Variants in ZFYVE9 observed in about 807,000 individuals in gnomAD.
The protein encoded by ZFYVE9 is zinc finger FYVE domain-containing protein 9.
In ZFYVE9, 43 loss-of-function variants were observed where a neutral mutation model predicts 126.7. The ratio of observed to expected loss-of-function variants is 0.34; its 90% CI spans 0.27 to 0.44. ZFYVE9 has a LOEUF of 0.44. ZFYVE9 is among the 20% of genes least tolerant of loss of function. The pLI is 1.00. For synonymous variants in ZFYVE9, 521 were observed against 597.4 expected (o/e 0.87, Z 1.87); for missense variants, 1,476 against 1,697.0 (o/e 0.87, Z 2.29).
intron 13 of ZFYVE9, among the ~76,000 whole-genome samples, chr1:52,316,305 G>A (rs973717264): frequency 4.6e-5 from 7 of 151,716 alleles, no homozygotes; most frequent in African/African-American, 1.7e-4. Flanking sequence ...GGCCAACATG[G>A]TGAAACCCCG....
intron 16 of ZFYVE9, among the ~76,000 whole-genome samples, chr1:52,339,594 G>A (rs1486951970): frequency 6.6e-6 from 1 of 152,044 alleles, no homozygotes; most frequent in East Asian, 1.9e-4. Flanking sequence ...CCCAGCAAAT[G>A]ATTCTTAATA....
intron 1 of ZFYVE9, among the ~76,000 whole-genome samples, chr1:52,161,685 T>G (rs563821894): frequency 6.6e-6 from 1 of 152,312 alleles, no homozygotes; most frequent in East Asian, 1.9e-4. Context: ...GCTCAAAAAT[T>G]CCATTCTTCA....
chr1:52,179,644 A>G (rs1026882316), intron 1 of ZFYVE9, among the ~76,000 whole-genome samples: 1 of 152,228 alleles, frequency 6.6e-6, no homozygotes. Context: ...AAAAAAAAAA[A>G]AGTCACATTT....
chr1:52,151,702 A>C (rs1445416585), intron 1 of ZFYVE9, among the ~76,000 whole-genome samples: 1 of 151,698 alleles, frequency 6.6e-6, no homozygotes, highest in East Asian at 1.9e-4. Flanking sequence ...TTTTTAGTAG[A>C]GACAAGGTTT....
chr1:52,219,801 GT>G (rs1484024537), intron 2 of ZFYVE9, among the ~76,000 whole-genome samples: 14 of 142,572 alleles, frequency 9.8e-5, no homozygotes, highest in East Asian at 2.1e-4. Context: ...GTGTGTGTGT[GT>G]GGCAGAGTCT....
intron 4 of ZFYVE9, among the ~76,000 whole-genome samples, chr1:52,251,456 T>A (rs1413859052): frequency 7.2e-5 from 11 of 151,938 alleles, no homozygotes; most frequent in Non-Finnish European, 1.6e-4. Context: ...ATTGAGATGA[T>A]CATTTGGGGT....
At chr1:52,267,248 G>A (rs1194587210) in intron 6 of ZFYVE9, among the ~76,000 whole-genome samples, 3 of 152,284 alleles carry the variant, frequency 2.0e-5, no homozygotes, top group African/African-American at 7.2e-5. Flanking sequence ...GCTTTTTGGA[G>A]TATACATTGC....
chr1:52,239,528 A>G lies in ZFYVE9; in HGVS notation c.2111A>G (p.Asn704Ser). Residue 704 changes from asparagine to serine, a missense_variant, in exon 4 of 19, where the codon AAT becomes AGT. Asn to Ser is a conservative substitution (Grantham distance 46). Transcript: ENST00000287727. The part of the protein sequence containing the change: ...PVWVPDSQAP[N>S]CMKCEARFTF... ...TGGGTACCGGATTCTCAGGCTCCAA[A>G]TTGCATGAAATGTGAAGCCAGGTTT... The G allele has an allele frequency of 6.2e-7, 1 of 1,614,134 alleles. No homozygotes were observed. Among genetic ancestry groups the G allele is most frequent in the South Asian group, 1.1e-5 (1 of 91,072 alleles).
Position 52,239,108 on chromosome 1 carries a change from A to G in ZFYVE9, c.1691A>G (p.Lys564Arg), listed in dbSNP as rs536781182. 247 of 1,614,122 alleles carry G rather than the reference A, an allele frequency of 1.5e-4. 2 individuals are homozygous for G. The South Asian group carries it at 2.6e-3, about 17-fold the overall frequency. Residue 564 changes from lysine to arginine, a missense_variant, in exon 4 of 19, where the codon AAG becomes AGG. Coordinates refer to ENST00000287727, the MANE Select transcript of ZFYVE9 (RefSeq NM_004799.4). ...VPSVLGQSSPKVVASLPSISV... is the reference protein window; with the variant it reads ...VPSVLGQSSPRVVASLPSISV... ...TCAGTGCTTGGGCAATCTTCCCCCAAGGTAGTAGCAAGCCTGCCATCTATC... is the reference window on the plus strand; with the variant it reads ...TCAGTGCTTGGGCAATCTTCCCCCAGGGTAGTAGCAAGCCTGCCATCTATC...
intron 4 of ZFYVE9, among the ~76,000 whole-genome samples, chr1:52,262,311 A>C (rs926555891): frequency 4.6e-5 from 7 of 152,164 alleles, no homozygotes. Context: ...TGGAACATTC[A>C]TCTGTTTACC....
At chr1:52,192,318 G>A (rs1644823242) in intron 1 of ZFYVE9, among the ~76,000 whole-genome samples, 1 of 152,210 alleles carries the variant, frequency 6.6e-6, no homozygotes, top group Non-Finnish European at 1.5e-5. Flanking sequence ...CATAAGAAGT[G>A]TGTAACCTAG....
Position 52,239,366 on chromosome 1 carries a change from A to G in ZFYVE9, c.1949A>G (p.Glu650Gly). The G allele has an allele frequency of 6.2e-7, 1 of 1,614,130 alleles. No individual in the cohort carries two copies. Among genetic ancestry groups the G allele is most frequent in the African/African-American group, 1.3e-5 (1 of 75,042 alleles). ...SNVDTNGEHL[E>G]SYEAEISTRP... ...GTCGATACAAATGGGGAACATTTAG[A>G]AAGTTATGAGGCTGAGATCTCCACT... The change falls in exon 4 of 19, where the codon GAA (glutamate) becomes GGA (glycine). Residue 650 changes from glutamate (E) to glycine (G), a missense_variant. Glu to Gly is a moderately conservative substitution (Grantham distance 98). Around this residue, in one of 2 missense-constraint regions of ZFYVE9, gnomAD observed 807 missense variants for 794.6 expected, o/e 1.02. Transcript: ENST00000287727.
intron 2 of ZFYVE9, among the ~76,000 whole-genome samples, chr1:52,224,620 A>AGGGTG (rs1201286093): frequency 6.6e-6 from 1 of 152,174 alleles, no homozygotes; most frequent in African/African-American, 2.4e-5. Flanking sequence ...TGAAGGTCTG[A>AGGGTG]GGGTGGGTTC....
chr1:52,240,184 A>G (rs1645319724), intron 4 of ZFYVE9, among the ~76,000 whole-genome samples: 1 of 152,226 alleles, frequency 6.6e-6, no homozygotes, highest in African/African-American at 2.4e-5. Context: ...CAAGGTTGTA[A>G]GAATGATATT....
At position 52,292,469 on chromosome 1, in the gene ZFYVE9, C is replaced by CTTTT. The variant is rs1159852399; in HGVS notation, c.3026-965_3026-962dup. ...CAGCAGCTTCCTAATCTGAACATTT[C>CTTTT]TTTTTTTTTTTTTTTTTTTTTTGAG... On this transcript the variant is annotated intron_variant, in intron 10 of 18. Coordinates refer to ENST00000287727, the MANE Select transcript of ZFYVE9 (RefSeq NM_004799.4). Among the ~76,000 whole-genome samples the CTTTT allele has an allele frequency of 5.3e-4, 54 of 101,980 alleles. 1 individual carries two copies. Among genetic ancestry groups the CTTTT allele is most frequent in the East Asian group, 2.3e-3 (8 of 3,532 alleles). 66.9% of individuals were successfully genotyped at this position (101,980 alleles called of 152,430 possible).
At chr1:52,162,008 C>A (rs1644464899) in intron 1 of ZFYVE9, among the ~76,000 whole-genome samples, 1 of 146,514 alleles carries the variant, frequency 6.8e-6, no homozygotes. Context: ...CTCAAAATGA[C>A]AACAATTACA....
chr1:52,142,664 C>T lies in ZFYVE9; in HGVS notation c.-143+261C>T, dbSNP rs1005234335. Among the ~76,000 whole-genome samples the T allele has an allele frequency of 6.6e-6, 1 of 151,988 alleles. No individual in the cohort carries two copies. The highest frequency in any genetic ancestry group is 2.4e-5 in the African/African-American group (1 of 41,418). On this transcript the variant is annotated intron_variant, in intron 1 of 18. Transcript: ENST00000287727. The surrounding 1 kb of genome is among the most constrained non-coding windows in gnomAD (Gnocchi z 4.5). ...CGGCCGGGTGTGTGGAGCTGGGGGC[C>T]GGCAGGAGCACGGCCGCCTTTCGGG...
chr1:52,238,293 C>T lies in ZFYVE9; in HGVS notation c.876C>T (p.Asp292=). The change falls in exon 4 of 19, where the codon GAC becomes GAT. Residue 292 remains aspartate (D), a synonymous_variant. Transcript: ENST00000287727. Reference sequence around the variant, plus strand: ...AAGAGAACTATATACCAGATGAGGACCTCACTGGCAAAATCAGCTCTCCTA... The same window carrying T: ...AAGAGAACTATATACCAGATGAGGATCTCACTGGCAAAATCAGCTCTCCTA... ...KKQENYIPDE[D]LTGKISSPRT... is the part of the protein sequence containing the mutation. The T allele has an allele frequency of 6.2e-7, 1 of 1,613,906 alleles. No individual in the cohort carries two copies. Among genetic ancestry groups the T allele is most frequent in the African/African-American group, 1.3e-5 (1 of 75,054 alleles).
At position 52,336,359 on chromosome 1, in the gene ZFYVE9, G is replaced by GTTTT. The variant is rs772004330; in HGVS notation, c.3671-1408_3671-1405dup. ...AACAAATTGTTATGAAATCTAAGAG[G>GTTTT]TTTTTTTTGTTTTTTTTTTTTTTTT... is the stretch of plus-strand genomic sequence containing the variant. On this transcript the variant is annotated intron_variant, in intron 15 of 18. Coordinates refer to ENST00000287727, the MANE Select transcript of ZFYVE9 (RefSeq NM_004799.4). Among the ~76,000 whole-genome samples the GTTTT allele has an allele frequency of 3.9e-4, 37 of 95,008 alleles. 3 individuals are homozygous for GTTTT. Among genetic ancestry groups the GTTTT allele is most frequent in the Middle Eastern group, 0.016 (2 of 128 alleles). The allele number at this position is 95,008 out of a possible 152,430, so 62.3% of individuals were successfully genotyped here.
Sources: gnomAD v4.1 joint callset for allele counts (sites outside exome capture counted in the v4.1 genomes callset) on GRCh38, gnomAD v4.1.1 for gene constraint, gnomAD v4.1.1 regional missense constraint, Gnocchi (gnomAD v3.1) non-coding constraint, MANE v1.5 for transcripts, NCBI Gene and HGNC (gene_info 2026-07-23, HGNC 2026-07-21) for gene names.